DYNC1I2: variants seen among roughly 807,000 people sequenced by gnomAD.
DYNC1I2 encodes dynein cytoplasmic 1 intermediate chain 2.
A neutral mutation model predicts 88.6 loss-of-function variants in DYNC1I2; 53 were observed. That is an observed-to-expected ratio of 0.60 (90% CI 0.48 to 0.75). The LOEUF is 0.75. Ranked by LOEUF, DYNC1I2 falls within the 30% of genes least tolerant of loss-of-function variation. The pLI is 0.00. For missense variants in DYNC1I2, 458 were observed against 766.6 expected (o/e 0.60, Z 4.75); for synonymous variants, 198 against 254.6 (o/e 0.78, Z 2.12).
In DYNC1I2 at chr2:171,734,378, G is replaced by A. The variant is rs141724591; in HGVS notation, c.1536+4525G>A. Among the ~76,000 whole-genome samples the A allele has an allele frequency of 1.1e-3, 167 of 152,236 alleles. 1 individual carries two copies. The highest frequency in any genetic ancestry group is 3.7e-3 in the African/African-American group (152 of 41,548). On this transcript the variant is annotated intron_variant, in intron 15 of 17. Coordinates refer to ENST00000397119, the MANE Select transcript of DYNC1I2 (RefSeq NM_001378.3). ...GGTACTACACAGCTAGTTGAGGGGCGGTTGATATTTTTATTCTTGTATTTT... is the reference window on the plus strand; with the variant it reads ...GGTACTACACAGCTAGTTGAGGGGCAGTTGATATTTTTATTCTTGTATTTT...
intron 15 of DYNC1I2, among the ~76,000 whole-genome samples, chr2:171,734,647 A>G (rs1033136305): frequency 6.6e-6 from 1 of 152,330 alleles, no homozygotes; most frequent in African/African-American, 2.4e-5. Flanking sequence ...CTGAAACTTT[A>G]TCAGAAGAAT....
chr2:171,746,991 C>T (rs1300954084), intron 17 of DYNC1I2, among the ~76,000 whole-genome samples: 3 of 151,538 alleles, frequency 2.0e-5, no homozygotes, highest in Admixed American at 6.6e-5. Context: ...GTCAGGAGTT[C>T]GAGACCAGCC....
Position 171,725,638 on chromosome 2 carries a change from G to A in DYNC1I2, c.532G>A (p.Val178Ile), listed in dbSNP as rs372723362. 5.1e-6 allele frequency: 6 copies of A among 1,173,168 alleles called. No homozygotes were observed. Among genetic ancestry groups the A allele is most frequent in the Non-Finnish European group, 4.8e-6 (4 of 838,430 alleles). 72.7% of individuals were successfully genotyped at this position (1,173,168 alleles called of 1,614,324 possible). The change falls in exon 8 of 18, where the codon GTA becomes ATA. Residue 178 changes from valine (V) to isoleucine (I), a missense_variant. Val to Ile is a conservative substitution (Grantham distance 29). Around this residue, in one of 5 missense-constraint regions of DYNC1I2, gnomAD observed 203 missense variants for 354.2 expected, o/e 0.57. Transcript: ENST00000397119. ...TTCAGATGAAGAGGAAGATGATGAT[G>A]TAGTGGCTCCTAAACCACCTATTGA... is the stretch of plus-strand genomic sequence containing the variant. ...PKEDEEEDDD[V>I]VAPKPPIEPE...
Position 171,725,552 on chromosome 2 carries a change from A to C in DYNC1I2, c.512-66A>C, listed in dbSNP as rs1688179349. 3.7e-6 allele frequency: 4 copies of C among 1,075,414 alleles called. No homozygotes were observed. In the East Asian group the frequency reaches 8.4e-5, roughly 22 times the overall value. The allele number at this position is 1,075,414 out of a possible 1,614,324, so 66.6% of individuals were successfully genotyped here. A position where few individuals can be genotyped will look rare whatever the true frequency, so the allele number is the denominator to read the frequency against. ...GTCTCAAAAGTTACCAGCTATTTTC[A>C]TTAAAATAATTTATTATATCATTCT... On this transcript the variant is annotated intron_variant, in intron 7 of 17. Transcript: ENST00000397119.
rs201401925 is a variant in DYNC1I2 at position 171,715,333 on chromosome 2, G to C, written c.401G>C (p.Gly134Ala). The part of the protein sequence containing the change: ...QLHSDSDLGR[G>A]PIKLGMAKIT... ...TTTGTATTTACTTAATTTAGACGAG[G>C]ACCTATTAAACTTGGAATGGCTAAA... The change falls in exon 7 of 18, where the codon GGA becomes GCA. Residue 134 changes from glycine to alanine, a missense_variant. Transcript: ENST00000397119. The C allele has an allele frequency of 1.5e-4, 231 of 1,550,152 alleles. 1 individual carries two copies. The African/African-American group carries it at 2.8e-3, about 19-fold the overall frequency.
At chr2:171,707,040 A>T (rs1686732218) in intron 4 of DYNC1I2, 3 of 588,752 alleles carry the variant, frequency 5.1e-6, no homozygotes, top group South Asian at 2.2e-5. Flanking sequence ...TTGCCTTTTT[A>T]AAAAAATTAT....
At chr2:171,698,794 G>A (rs1685981204) in intron 3 of DYNC1I2, among the ~76,000 whole-genome samples, 1 of 152,162 alleles carries the variant, frequency 6.6e-6, no homozygotes, top group African/African-American at 2.4e-5. Flanking sequence ...GAGTCAACCC[G>A]GGAGGTGGAG....
chr2:171,725,594 G>GTTTTTTTTTTTTTTTTT lies in DYNC1I2; in HGVS notation c.512-21_512-20insTTTTTTTTTTTTTTTTT. On this transcript the variant is annotated intron_variant, in intron 7 of 17. Transcript: ENST00000397119. ...TATCATTCTGTTTTTTTGTTTTTTTGTTTGTTTTTTTTTTTTTTTTCAGAT... is the reference window on the plus strand; with the variant it reads ...TATCATTCTGTTTTTTTGTTTTTTTGTTTTTTTTTTTTTTTTTTTTGTTTTTTTTTTTTTTTTCAGAT... The GTTTTTTTTTTTTTTTTT allele has an allele frequency of 4.3e-6, 5 of 1,175,296 alleles. No homozygotes were observed. In the South Asian group the frequency reaches 5.2e-5, roughly 12 times the overall value. The allele number at this position is 1,175,296 out of a possible 1,614,324, so 72.8% of individuals were successfully genotyped here.
At chr2:171,693,105 A>G in intron 3 of DYNC1I2, 1 of 514,516 alleles carries the variant, frequency 1.9e-6, no homozygotes. Flanking sequence ...TTATTAACAT[A>G]TACTGAACTA....
chr2:171,717,183 C>T (rs1221759243), intron 7 of DYNC1I2, among the ~76,000 whole-genome samples: 1 of 148,368 alleles, frequency 6.7e-6, no homozygotes, highest in Non-Finnish European at 1.5e-5. Flanking sequence ...TGCTCTGACA[C>T]CCAGGCTGGA....
At position 171,749,425 on chromosome 2, in the gene DYNC1I2, A is replaced by G. The variant is rs1311213078; in HGVS notation, c.*1536A>G. On this transcript the variant is annotated 3_prime_UTR_variant, in exon 18 of 18. Coordinates refer to ENST00000397119, the MANE Select transcript of DYNC1I2 (RefSeq NM_001378.3). Reference sequence around the variant, plus strand: ...CATAATTGCCCATTATATACCAAAGACAATATCTCAAGTTATCTCATTGTA... The same window carrying G: ...CATAATTGCCCATTATATACCAAAGGCAATATCTCAAGTTATCTCATTGTA... 6.6e-6 allele frequency among the ~76,000 whole-genome samples: 1 copy of G among 152,124 alleles called. No individual in the cohort carries two copies. Among genetic ancestry groups the G allele is most frequent in the Non-Finnish European group, 1.5e-5 (1 of 67,972 alleles).
At chr2:171,730,350 C>G (rs1043199666) in intron 15 of DYNC1I2, among the ~76,000 whole-genome samples, 1 of 152,126 alleles carries the variant, frequency 6.6e-6, no homozygotes, top group Admixed American at 6.5e-5. Flanking sequence ...CTTAGGAAAG[C>G]ATTGTGTAAA....
chr2:171,736,125 A>G (rs1215696549), intron 15 of DYNC1I2, among the ~76,000 whole-genome samples: 2 of 152,198 alleles, frequency 1.3e-5, no homozygotes, highest in Non-Finnish European at 2.9e-5. Context: ...CCTTAGAATA[A>G]CAACTATGCA....
At chr2:171,706,204 A>G (rs933933202) in intron 3 of DYNC1I2, among the ~76,000 whole-genome samples, 2 of 152,148 alleles carry the variant, frequency 1.3e-5, no homozygotes, top group African/African-American at 2.4e-5. Flanking sequence ...TAGACTGTTA[A>G]AAGAAGGGCT....
chr2:171,726,497 C>T (rs1405132041), intron 10 of DYNC1I2: 8 of 558,110 alleles, frequency 1.4e-5, no homozygotes, highest in African/African-American at 3.9e-5. Flanking sequence ...AAATTCAGGA[C>T]TTTATGATAC....
intron 17 of DYNC1I2, among the ~76,000 whole-genome samples, chr2:171,746,129 A>G (rs1321192350): frequency 6.6e-6 from 1 of 152,160 alleles, no homozygotes; most frequent in African/African-American, 2.4e-5. Context: ...CATGCAACAG[A>G]TTTTGAGGGT....
chr2:171,712,892 A>G, intron 6 of DYNC1I2, 66 bp downstream of exon 6: 2 of 1,395,872 alleles, frequency 1.4e-6, no homozygotes, highest in Non-Finnish European at 2.0e-6. Context: ...AACTGTCCTA[A>G]TTTTATTTTG....
At chr2:171,697,316 C>A (rs1206650445) in intron 3 of DYNC1I2, among the ~76,000 whole-genome samples, 1 of 152,052 alleles carries the variant, frequency 6.6e-6, no homozygotes, top group African/African-American at 2.4e-5. Flanking sequence ...GCCACTACAC[C>A]CTTCCTAATT....
At chr2:171,687,701 T>C (rs1685063132) in intron 1 of DYNC1I2, 74 bp downstream of exon 1, 1 of 152,258 alleles carries the variant, frequency 6.6e-6, no homozygotes, top group African/African-American at 2.4e-5. Context: ...CTCGTTCTGG[T>C]GAGGCTATTT....
Sources: allele counts gnomAD v4.1 joint callset (sites outside exome capture counted in the v4.1 genomes callset), GRCh38; gene constraint gnomAD v4.1.1; regional missense constraint gnomAD v4.1.1; transcripts MANE v1.5; gene names NCBI Gene and HGNC (gene_info 2026-07-23, HGNC 2026-07-21).